Variants in GPHN observed in about 807,000 individuals in gnomAD.
GPHN encodes gephyrin.
A neutral mutation model predicts 95.5 loss-of-function variants in GPHN; 17 were observed. The ratio of observed to expected loss-of-function variants is 0.18; its 90% CI spans 0.12 to 0.27. GPHN has a LOEUF of 0.27. Ranked by LOEUF, GPHN falls within the 10% of genes least tolerant of loss-of-function variation. The pLI, the probability that GPHN is intolerant of heterozygous loss-of-function variation, is 1.00. For missense variants in GPHN, 660 were observed against 978.1 expected (o/e 0.67, Z 4.34); for synonymous variants, 320 against 322.5 (o/e 0.99, Z 0.08).
the GPHN span, chr14:67,279,701 A>T: frequency 5.1e-6 from 3 of 591,058 alleles, no homozygotes; most frequent in South Asian, 1.3e-4. Flanking sequence ...ACTATTGTTT[A>T]CTGTTACCAA....
the GPHN span, among the ~76,000 whole-genome samples, chr14:67,204,142 A>G: frequency 3.3e-5 from 5 of 152,138 alleles, no homozygotes; most frequent in African/African-American, 7.2e-5. Context: ...ACTACTATAA[A>G]ATATAAGAAA....
chr14:66,996,419 A>C (rs2071800062), intron 9 of GPHN, among the ~76,000 whole-genome samples: 1 of 152,178 alleles, frequency 6.6e-6, no homozygotes, highest in Non-Finnish European at 1.5e-5. Context: ...CTGTTGTCTG[A>C]ATAACTTTTT....
chr14:66,587,703 C>T (rs957452784), intron 1 of GPHN, among the ~76,000 whole-genome samples: 1 of 152,180 alleles, frequency 6.6e-6, no homozygotes, highest in African/African-American at 2.4e-5. Flanking sequence ...TTAGTCCATT[C>T]TGACATTACT....
chr14:66,702,737 G>A (rs1206634120), intron 2 of GPHN, among the ~76,000 whole-genome samples: 1 of 152,140 alleles, frequency 6.6e-6, no homozygotes, highest in African/African-American at 2.4e-5. Flanking sequence ...CAAAAGGCCA[G>A]AGTGCATCTT....
intron 4 of GPHN, among the ~76,000 whole-genome samples, chr14:66,876,301 A>G (rs1440015283): frequency 6.6e-6 from 1 of 152,188 alleles, no homozygotes; most frequent in African/African-American, 2.4e-5. Flanking sequence ...AAAATGGGAA[A>G]GATCTAAAAT....
chr14:66,552,788 C>G (rs939928982), intron 1 of GPHN, among the ~76,000 whole-genome samples: 1 of 152,052 alleles, frequency 6.6e-6, no homozygotes, highest in African/African-American at 2.4e-5. Context: ...GGGAATAATT[C>G]TTATTTCTCC....
At chr14:66,936,240 G>A (rs552424257) in intron 8 of GPHN, among the ~76,000 whole-genome samples, 19 of 151,846 alleles carry the variant, frequency 1.3e-4, no homozygotes, top group Non-Finnish European at 2.1e-4. Flanking sequence ...TTAGCCAGGC[G>A]TGGTGGCGGG....
intron 11 of GPHN, among the ~76,000 whole-genome samples, chr14:67,082,922 A>G (rs1241749984): frequency 6.6e-6 from 1 of 152,170 alleles, no homozygotes; most frequent in Non-Finnish European, 1.5e-5. Flanking sequence ...TCTTTTGGCT[A>G]TTATGAAAAA....
Position 66,916,479 on chromosome 14 carries a change from T to G in GPHN, c.456+410T>G, listed in dbSNP as rs201348250. Among the ~76,000 whole-genome samples, 19 of 115,084 alleles carry G rather than the reference T, an allele frequency of 1.7e-4. No individual in the cohort carries two copies. The East Asian group carries it at 3.4e-3, about 20-fold the overall frequency. 75.5% of individuals were successfully genotyped at this position (115,084 alleles called of 152,430 possible). A position where few individuals can be genotyped will look rare whatever the true frequency, so the allele number is the denominator to read the frequency against. On this transcript the variant is annotated intron_variant, in intron 6 of 22. Transcript: ENST00000478722. ...TCACCTGAGTTTTTGATGTCCAGAG[T>G]TTTTTTTTTTTTTTTTGGTTTGGTT...
chr14:66,674,334 G>A (rs1222519765), intron 1 of GPHN, among the ~76,000 whole-genome samples: 1 of 151,828 alleles, frequency 6.6e-6, no homozygotes, highest in East Asian at 1.9e-4. Flanking sequence ...TCCTGATCTC[G>A]TGATCCACCC....
the GPHN span, among the ~76,000 whole-genome samples, chr14:67,653,166 G>C: frequency 6.6e-6 from 1 of 152,198 alleles, no homozygotes; most frequent in Admixed American, 6.5e-5. Flanking sequence ...CATCAGCTGT[G>C]ATTAAATGTC....
At chr14:67,352,702 C>T in the GPHN span, 9 of 423,114 alleles carry the variant, frequency 2.1e-5, no homozygotes, top group Admixed American at 8.1e-5. Flanking sequence ...GAGAGGCAGG[C>T]GGGGGGCCAA....
chr14:66,856,099 T>TA (rs1215923593), intron 4 of GPHN, among the ~76,000 whole-genome samples: 1 of 152,102 alleles, frequency 6.6e-6, no homozygotes, highest in African/African-American at 2.4e-5. Context: ...CTTTTTGATT[T>TA]AAAAAAAGTG....
chr14:67,260,867 C>T, the GPHN span, among the ~76,000 whole-genome samples: 1 of 151,956 alleles, frequency 6.6e-6, no homozygotes, highest in East Asian at 1.9e-4. Context: ...TAGTTTGATT[C>T]AGAAGACAGG....
At chr14:67,039,532 G>C (rs2153635325) in intron 10 of GPHN, among the ~76,000 whole-genome samples, 1 of 152,284 alleles carries the variant, frequency 6.6e-6, no homozygotes, top group South Asian at 2.1e-4. Context: ...AGTGGCTTGT[G>C]CCTGTAATCC....
At chr14:67,483,529 GT>G in the GPHN span, among the ~76,000 whole-genome samples, 68 of 152,318 alleles carry the variant, frequency 4.5e-4, no homozygotes, top group African/African-American at 1.6e-3. Flanking sequence ...GAACTTCTAG[GT>G]GGTTCATTAA....
At chr14:66,954,035 CA>C (rs34877524) in intron 8 of GPHN, among the ~76,000 whole-genome samples, 121,291 of 128,916 alleles carry the variant, frequency 0.94, 56,978 homozygotes, top group East Asian at 0.99. Context: ...AACTCGGTCT[CA>C]AAAAAAAAAA....
At chr14:67,302,033 A>G in the GPHN span, 5 of 1,611,608 alleles carry the variant, frequency 3.1e-6, no homozygotes, top group Non-Finnish European at 4.2e-6. Flanking sequence ...CCCATTACAG[A>G]TGAGAGAGTT....
At chr14:66,574,437 G>A (rs981083760) in intron 1 of GPHN, among the ~76,000 whole-genome samples, 3 of 151,988 alleles carry the variant, frequency 2.0e-5, no homozygotes, top group African/African-American at 7.3e-5. Context: ...TTTATGTACC[G>A]CCATTATAGT....
Sources: allele counts gnomAD v4.1 joint callset (sites outside exome capture counted in the v4.1 genomes callset), GRCh38; gene constraint gnomAD v4.1.1; transcripts MANE v1.5; gene names NCBI Gene and HGNC (gene_info 2026-07-23, HGNC 2026-07-21).